Variants in MAL2 observed in about 807,000 individuals in gnomAD.
The protein encoded by MAL2 is protein MAL2.
In MAL2, 17 loss-of-function variants were observed where a neutral mutation model predicts 18.1. The ratio of observed to expected loss-of-function variants is 0.94; its 90% CI spans 0.64 to 1.41. The LOEUF (loss-of-function observed/expected upper bound fraction) is 1.41, where lower values mean the gene tolerates loss of function less well. MAL2 is among the 40% of genes most tolerant of loss of function. MAL2 has a pLI of 0.00. For synonymous variants in MAL2, 102 were observed against 102.3 expected (o/e 1.00, Z 0.02); for missense variants, 222 against 231.9 (o/e 0.96, Z 0.28).
At chr8:119,220,114 TA>T (rs1277510167) in intron 1 of MAL2, among the ~76,000 whole-genome samples, 1 of 152,072 alleles carries the variant, frequency 6.6e-6, no homozygotes, top group African/African-American at 2.4e-5. Flanking sequence ...CCAGGCATGG[TA>T]GTATGGAGGA....
chr8:119,237,970 C>CA (rs1331674889), intron 2 of MAL2, among the ~76,000 whole-genome samples: 2 of 152,168 alleles, frequency 1.3e-5, no homozygotes, highest in African/African-American at 4.8e-5. Flanking sequence ...AAAAGGTATT[C>CA]AGTTAGGAAA....
At chr8:119,214,740 T>G (rs1458122216) in intron 1 of MAL2, among the ~76,000 whole-genome samples, 4 of 152,188 alleles carry the variant, frequency 2.6e-5, no homozygotes, top group Non-Finnish European at 4.4e-5. Context: ...TCTATAGCAC[T>G]CTCAGACATA....
intron 2 of MAL2, among the ~76,000 whole-genome samples, chr8:119,234,032 T>G (rs1039890942): frequency 1.3e-5 from 2 of 152,140 alleles, no homozygotes; most frequent in African/African-American, 4.8e-5. Flanking sequence ...GATTTCTGCA[T>G]TTCCATCTGA....
Position 119,221,632 on chromosome 8 carries a change from C to T in MAL2, c.178C>T (p.Pro60Ser), listed in dbSNP as rs1817466032. The T allele has an allele frequency of 1.9e-6, 3 of 1,613,886 alleles. No individual in the cohort carries two copies. The highest frequency in any genetic ancestry group is 2.5e-6 in the Non-Finnish European group (3 of 1,179,838). The change falls in exon 2 of 4, where the codon CCT becomes TCT. Residue 60 changes from proline (P) to serine (S), a missense_variant. Transcript: ENST00000614891. Reference protein sequence around the residue: ...VWILVASSNVPLPLLQGWVMF... With the variant: ...VWILVASSNVSLPLLQGWVMF... ...GATTTTGGTTGCCTCCTCCAATGTT[C>T]CTCTACCTCTACTACAAGGATGGGT...
intron 1 of MAL2, among the ~76,000 whole-genome samples, chr8:119,214,623 CAT>C (rs1403994851): frequency 2.0e-5 from 3 of 152,150 alleles, no homozygotes; most frequent in African/African-American, 4.8e-5. Flanking sequence ...AGAACCAGAA[CAT>C]ATTTCTCCTC....
At chr8:119,234,454 A>G (rs1420590902) in intron 2 of MAL2, among the ~76,000 whole-genome samples, 1 of 152,214 alleles carries the variant, frequency 6.6e-6, no homozygotes, top group Non-Finnish European at 1.5e-5. Context: ...GGTGGAGCCC[A>G]CCACAGCTCA....
Position 119,226,410 on chromosome 8 carries a change from T to C in MAL2, c.303+4653T>C, listed in dbSNP as rs376602313. On this transcript the variant is annotated intron_variant, in intron 2 of 3. Coordinates refer to ENST00000614891, the MANE Select transcript of MAL2 (RefSeq NM_052886.3). ...TTCAATAGGGAATCCTTTCCCCCCCTTTTTTTTTTTAACTAGTAGATGGAA... is the reference window on the plus strand; with the variant it reads ...TTCAATAGGGAATCCTTTCCCCCCCCTTTTTTTTTTAACTAGTAGATGGAA... Among the ~76,000 whole-genome samples the C allele has an allele frequency of 6.1e-3, 847 of 138,794 alleles. 4 individuals carry two copies. The highest frequency in any genetic ancestry group is 0.014 in the African/African-American group (529 of 37,718). The allele number at this position is 138,794 out of a possible 152,430, so 91.1% of individuals were successfully genotyped here.
intron 2 of MAL2, among the ~76,000 whole-genome samples, chr8:119,227,789 G>A (rs1563773057): frequency 2.0e-5 from 3 of 152,154 alleles, no homozygotes; most frequent in South Asian, 2.1e-4. Flanking sequence ...AAAGGAGAGA[G>A]GTTAGAGGGA....
At position 119,243,496 on chromosome 8, in the gene MAL2, T is replaced by A. The variant is rs1407749109; in HGVS notation, c.*8T>A. The A allele has an allele frequency of 1.9e-6, 3 of 1,585,256 alleles. No individual in the cohort carries two copies. ...CGAAGATGGCGACCGTAACACTCCT[T>A]AGAAACTGGCAGTCGTATGTTAGTT... On this transcript the variant is annotated 3_prime_UTR_variant, in exon 4 of 4. Coordinates refer to ENST00000614891, the MANE Select transcript of MAL2 (RefSeq NM_052886.3).
chr8:119,234,479 C>G lies in MAL2; in HGVS notation c.304-5686C>G, dbSNP rs563219736. ...ACCACAGCTCAAGAAGGCCTGCCTG[C>G]CTCTGTAGGCTCCACCTCTGGGGGC... is the stretch of plus-strand genomic sequence containing the variant. On this transcript the variant is annotated intron_variant, in intron 2 of 3. Transcript: ENST00000614891. 3.4e-3 allele frequency among the ~76,000 whole-genome samples: 521 copies of G among 152,320 alleles called. 3 individuals carry two copies. Among genetic ancestry groups the G allele is most frequent in the African/African-American group, 0.011 (459 of 41,560 alleles).
At chr8:119,210,750 A>G (rs1817255975) in intron 1 of MAL2, among the ~76,000 whole-genome samples, 1 of 152,154 alleles carries the variant, frequency 6.6e-6, no homozygotes, top group Non-Finnish European at 1.5e-5. Context: ...ATCCTGAAAC[A>G]TGTCTCACAC....
chr8:119,234,153 C>T (rs1204218965), intron 2 of MAL2, among the ~76,000 whole-genome samples: 1 of 152,200 alleles, frequency 6.6e-6, no homozygotes, highest in African/African-American at 2.4e-5. Flanking sequence ...TTGGGAAGCG[C>T]AAGGGGTCAG....
chr8:119,222,829 CA>C (rs11309798), intron 2 of MAL2, among the ~76,000 whole-genome samples: 28,905 of 107,370 alleles, frequency 0.27, 2,804 homozygotes, highest in South Asian at 0.39. Flanking sequence ...CCTTGTCTCT[CA>C]AAAAAAAAAA....
At chr8:119,217,413 T>C (rs1357549623) in intron 1 of MAL2, among the ~76,000 whole-genome samples, 3 of 152,302 alleles carry the variant, frequency 2.0e-5, no homozygotes, top group East Asian at 3.9e-4. Flanking sequence ...CACCGGGAGA[T>C]GCTGATACCT....
At chr8:119,239,093 C>A (rs979714773) in intron 2 of MAL2, among the ~76,000 whole-genome samples, 1 of 151,994 alleles carries the variant, frequency 6.6e-6, no homozygotes, top group Non-Finnish European at 1.5e-5. Flanking sequence ...AAAAAAACAA[C>A]CCCATCAAAA....
chr8:119,236,872 A>C (rs1218082421), intron 2 of MAL2, among the ~76,000 whole-genome samples: 2 of 151,148 alleles, frequency 1.3e-5, no homozygotes, highest in East Asian at 3.9e-4. Context: ...CTAACATCAC[A>C]ATTAAAAGAA....
At chr8:119,209,434 G>A (rs751922150) in intron 1 of MAL2, among the ~76,000 whole-genome samples, 1 of 152,152 alleles carries the variant, frequency 6.6e-6, no homozygotes, top group Non-Finnish European at 1.5e-5. Flanking sequence ...TTTTTAAATG[G>A]AATTTTATGG....
At position 119,238,445 on chromosome 8, in the gene MAL2, C is replaced by T. The variant is rs200920615; in HGVS notation, c.304-1720C>T. Among the ~76,000 whole-genome samples the T allele has an allele frequency of 7.2e-5, 11 of 152,126 alleles. No individual in the cohort carries two copies. In the East Asian group the frequency reaches 9.6e-4, roughly 13 times the overall value. On this transcript the variant is annotated intron_variant, in intron 2 of 3. Coordinates refer to ENST00000614891, the MANE Select transcript of MAL2 (RefSeq NM_052886.3). ...AAACTACTTTAAAGTTCATAGGAAC[C>T]GAAAAAGAGCCCGCATCGCCAAGTC... is the stretch of plus-strand genomic sequence containing the variant.
At chr8:119,213,452 C>G (rs966574912) in intron 1 of MAL2, among the ~76,000 whole-genome samples, 1 of 152,156 alleles carries the variant, frequency 6.6e-6, no homozygotes, top group Admixed American at 6.5e-5. Flanking sequence ...ACATAGTTGT[C>G]CCCTAAATGG....
Sources: gnomAD v4.1 joint callset for allele counts (sites outside exome capture counted in the v4.1 genomes callset) on GRCh38, gnomAD v4.1.1 for gene constraint, MANE v1.5 for transcripts, NCBI Gene and HGNC (gene_info 2026-07-23, HGNC 2026-07-21) for gene names.